INHBA: variants seen among roughly 807,000 people sequenced by gnomAD.
The protein encoded by INHBA is inhibin beta A chain.
INHBA carries 1 observed loss-of-function variant against 29.0 expected under a neutral mutation model. That is an observed-to-expected ratio of 0.03 (90% CI 0.01 to 0.16). The LOEUF is 0.16. Among genes scored for constraint, INHBA ranks in the 10% least tolerant of loss-of-function variants. INHBA has a pLI of 1.00. For synonymous variants in INHBA, 242 were observed against 216.8 expected (o/e 1.12, Z -1.02); for missense variants, 376 against 545.4 (o/e 0.69, Z 3.09).
rs140278406 is a variant in INHBA at position 41,690,766 on chromosome 7, T to C, written c.389-224A>G. ...TAAAGAAAAGTGATATTTTGTGACA[T>C]GTGAAAATTACCTGAAATTTAAACA... is the stretch of plus-strand genomic sequence containing the variant. On this transcript the variant is annotated intron_variant, in intron 2 of 2. Transcript: ENST00000242208. Among the ~76,000 whole-genome samples the C allele has an allele frequency of 3.1e-3, 469 of 152,350 alleles. 1 individual carries two copies. The highest frequency in any genetic ancestry group is 5.1e-3 in the Non-Finnish European group (348 of 68,042).
In INHBA at chr7:41,690,647, C is replaced by G. The variant is rs558819258; in HGVS notation, c.389-105G>C. ...AAGCAGGAGTCTTCTGTGACAGACC[C>G]TCTTGAATAGGGGTCAACAAATGAC... On this transcript the variant is annotated intron_variant, in intron 2 of 2. Transcript: ENST00000242208. 9.4e-5 allele frequency: 131 copies of G among 1,387,652 alleles called. 1 individual carries two copies. In the African/African-American group the frequency reaches 1.8e-3, roughly 19 times the overall value. The allele number at this position is 1,387,652 out of a possible 1,614,324, so 86.0% of individuals were successfully genotyped here.
At chr7:41,699,405 T>C (rs571872996) in intron 2 of INHBA, among the ~76,000 whole-genome samples, 6 of 152,338 alleles carry the variant, frequency 3.9e-5, no homozygotes, top group African/African-American at 4.8e-5. Context: ...TGTGCACTTA[T>C]AGACATTTTC....
intron 1 of INHBA, 61 bp from the exon 2 acceptor site, chr7:41,700,578 G>T: frequency 5.8e-6 from 2 of 345,386 alleles, no homozygotes; most frequent in Non-Finnish European, 1.0e-5. Flanking sequence ...TCTGAATGCA[G>T]TCAGTGCTGT....
In INHBA at chr7:41,699,967, C is replaced by T; in HGVS notation, c.388+20G>A. The stretch of plus-strand genomic sequence containing the variant: ...CCCACCCCCCACCCCTCCCCACCCC[C>T]TGCCAATGCCAGCACCAACCTGACT... On this transcript the variant is annotated intron_variant, in intron 2 of 2. Transcript: ENST00000242208. 2.8e-6 allele frequency: 2 copies of T among 723,206 alleles called. No individual in the cohort carries two copies. Among genetic ancestry groups the T allele is most frequent in the Non-Finnish European group, 3.9e-6 (2 of 508,190 alleles). 44.8% of individuals were successfully genotyped at this position (723,206 alleles called of 1,614,324 possible).
rs10263517 is a variant in INHBA, at chr7:41,700,792, G to C, written c.-143-275C>G. Among the ~76,000 whole-genome samples, 72,030 of 120,010 alleles carry C rather than the reference G, an allele frequency of 0.6. 23,144 individuals are homozygous for C. The highest frequency in any genetic ancestry group is 0.7 in the South Asian group (2,119 of 3,034). The allele number at this position is 120,010 out of a possible 152,430, so 78.7% of individuals were successfully genotyped here. A position where few individuals can be genotyped will look rare whatever the true frequency, so the allele number is the denominator to read the frequency against. ...AAGAGAGAGGGAAAGAAGGGGGAGA[G>C]AGAGGGAGAGAGGGAGGGAAGGGAG... On this transcript the variant is annotated intron_variant, in intron 1 of 2. Coordinates refer to ENST00000242208, the MANE Select transcript of INHBA (RefSeq NM_002192.4).
chr7:41,694,276 G>T (rs1459613513), intron 2 of INHBA, among the ~76,000 whole-genome samples: 1 of 152,138 alleles, frequency 6.6e-6, no homozygotes, highest in Admixed American at 6.5e-5. Context: ...GTATGAAAAA[G>T]ATAATAAATA....
At position 41,687,782 on chromosome 7, in the gene INHBA, C is replaced by A. The variant is rs537888796; in HGVS notation, c.*1868G>T. Reference sequence around the variant, plus strand: ...ACAGGTAATATTTCTCACAACCAAGCCTTAATCATTTTTAAAAAATACACT... The same window carrying A: ...ACAGGTAATATTTCTCACAACCAAGACTTAATCATTTTTAAAAAATACACT... On this transcript the variant is annotated 3_prime_UTR_variant, in exon 3 of 3. Coordinates refer to ENST00000242208, the MANE Select transcript of INHBA (RefSeq NM_002192.4). 9.9e-5 allele frequency: 15 copies of A among 152,210 alleles called. No homozygotes were observed. The highest frequency in any genetic ancestry group is 2.9e-4 in the African/African-American group (12 of 41,526). 9.4% of individuals were successfully genotyped at this position (152,210 alleles called of 1,614,324 possible). A position where few individuals can be genotyped will look rare whatever the true frequency, so the allele number is the denominator to read the frequency against.
rs1164236304 is a variant in INHBA at position 41,690,133 on chromosome 7, C to T, written c.798G>A (p.Glu266=). Reference sequence around the variant, plus strand: ...CTCCGCCCTTCTTTTTCCCTTCCCCCTCCTCTTCTTTCTTCTTCTTCTTGC... The same window carrying T: ...CTCCGCCCTTCTTTTTCCCTTCCCCTTCCTCTTCTTTCTTCTTCTTCTTGC... ...LLGKKKKKEE[E]GEGKKKGGGE... Residue 266 remains glutamate (E), a synonymous_variant, in exon 3 of 3, where the codon GAG becomes GAA. Coordinates refer to ENST00000242208, the MANE Select transcript of INHBA (RefSeq NM_002192.4). The T allele has an allele frequency of 6.2e-7, 1 of 1,613,586 alleles. No individual in the cohort carries two copies. The highest frequency in any genetic ancestry group is 8.5e-7 in the Non-Finnish European group (1 of 1,179,946).
At position 41,689,519 on chromosome 7, in the gene INHBA, T is replaced by C. The variant is rs1794452603; in HGVS notation, c.*131A>G. ...TTGTTTTTAATTTACTTTTGTTTTT[T>C]TTTGTTTTTTTTTTTGTTTTGTTTT... On this transcript the variant is annotated 3_prime_UTR_variant, in exon 3 of 3. Transcript: ENST00000242208. 1.2e-6 allele frequency: 1 copy of C among 830,704 alleles called. No homozygotes were observed. The highest frequency in any genetic ancestry group is 1.8e-5 in the African/African-American group (1 of 55,930). 51.5% of individuals were successfully genotyped at this position (830,704 alleles called of 1,614,324 possible). A position where few individuals can be genotyped will look rare whatever the true frequency, so the allele number is the denominator to read the frequency against.
Position 41,687,690 on chromosome 7 carries a change from T to C in INHBA, c.*1960A>G, listed in dbSNP as rs548697836. 6.6e-6 allele frequency: 1 copy of C among 152,304 alleles called. No homozygotes were observed. Among genetic ancestry groups the C allele is most frequent in the Non-Finnish European group, 1.5e-5 (1 of 68,026 alleles). The allele number at this position is 152,304 out of a possible 1,614,324, so 9.4% of individuals were successfully genotyped here. A position where few individuals can be genotyped will look rare whatever the true frequency, so the allele number is the denominator to read the frequency against. The stretch of plus-strand genomic sequence containing the variant: ...TAACTGTTCTCTTCCTTACTCTCCC[T>C]CTCTTAACACTTTCTCTCAAATTAA... On this transcript the variant is annotated 3_prime_UTR_variant, in exon 3 of 3. Coordinates refer to ENST00000242208, the MANE Select transcript of INHBA (RefSeq NM_002192.4).
intron 1 of INHBA, among the ~76,000 whole-genome samples, chr7:41,701,589 G>T (rs1022721720): frequency 6.6e-6 from 1 of 152,088 alleles, no homozygotes; most frequent in African/African-American, 2.4e-5. Context: ...TCCCCGTCGC[G>T]TTCAGCTGCC....
At chr7:41,704,484 A>G (rs1480508181), upstream of INHBA, among the ~76,000 whole-genome samples, 2 of 152,146 alleles carry the variant, frequency 1.3e-5, no homozygotes, top group African/African-American at 4.8e-5. Context: ...TTTATAAGAA[A>G]GAAACTTCTC....
At chr7:41,693,132 AACAG>A (rs1275307967) in intron 2 of INHBA, among the ~76,000 whole-genome samples, 4 of 152,320 alleles carry the variant, frequency 2.6e-5, no homozygotes, top group African/African-American at 7.2e-5. Flanking sequence ...TCACTCCAAA[AACAG>A]ACAGATAGTA....
Position 41,700,035 on chromosome 7 carries a change from T to C in INHBA, c.340A>G (p.Asn114Asp). ...EDDIGRRAEM[N>D]ELMEQTSEII... is the part of the protein sequence containing the mutation. ...TCCGAGGTCTGCTCCATAAGTTCAT[T>C]CATTTCTGCCCTCCTTCCAATGTCA... The change falls in exon 2 of 3, where the codon AAT becomes GAT. Residue 114 changes from asparagine (N) to aspartate (D), a missense_variant. Asn to Asp is a conservative substitution (Grantham distance 23, BLOSUM62 1). This residue lies in a region of INHBA where 253 missense variants were observed against 313.4 expected (regional missense o/e 0.81). Coordinates refer to ENST00000242208, the MANE Select transcript of INHBA (RefSeq NM_002192.4). The C allele has an allele frequency of 6.2e-7, 1 of 1,600,574 alleles. No individual in the cohort carries two copies. The highest frequency in any genetic ancestry group is 8.5e-7 in the Non-Finnish European group (1 of 1,173,788).
At chr7:41,701,589 G>A (rs1022721720) in intron 1 of INHBA, among the ~76,000 whole-genome samples, 1 of 152,088 alleles carries the variant, frequency 6.6e-6, no homozygotes, top group African/African-American at 2.4e-5. Flanking sequence ...TCCCCGTCGC[G>A]TTCAGCTGCC....
At chr7:41,704,412 A>G (rs1307435333), upstream of INHBA, among the ~76,000 whole-genome samples, 1 of 152,110 alleles carries the variant, frequency 6.6e-6, no homozygotes, top group Non-Finnish European at 1.5e-5. Flanking sequence ...AGACAGAAAT[A>G]GGATTAATGA....
intron 2 of INHBA, chr7:41,691,884 C>T (rs1292772684): frequency 1.3e-5 from 2 of 152,184 alleles, no homozygotes; most frequent in African/African-American, 2.4e-5. Context: ...ACCTCTGAAT[C>T]CCCCATTTTT....
chr7:41,698,229 C>A (rs1180600950), intron 2 of INHBA, among the ~76,000 whole-genome samples: 2 of 152,096 alleles, frequency 1.3e-5, no homozygotes, highest in African/African-American at 2.4e-5. Flanking sequence ...GAGTGATTTG[C>A]TATACAAGTC....
chr7:41,696,359 G>A, intron 2 of INHBA, among the ~76,000 whole-genome samples: 1 of 152,108 alleles, frequency 6.6e-6, no homozygotes, highest in African/African-American at 2.4e-5. Context: ...TTTATCACTC[G>A]TCTGCCTTCC....
Sources: allele counts gnomAD v4.1 joint callset (sites outside exome capture counted in the v4.1 genomes callset), GRCh38; gene constraint gnomAD v4.1.1; regional missense constraint gnomAD v4.1.1; transcripts MANE v1.5; gene names NCBI Gene and HGNC (gene_info 2026-07-23, HGNC 2026-07-21).